Variants in KCNK10 observed in about 807,000 individuals in gnomAD.
The protein encoded by KCNK10 is potassium channel subfamily K member 10.
KCNK10 carries 25 observed loss-of-function variants against 47.7 expected under a neutral mutation model. The observed-to-expected ratio is 0.52, with a 90% CI of 0.38 to 0.73. The LOEUF (loss-of-function observed/expected upper bound fraction) is 0.73, where lower values mean the gene tolerates loss of function less well. Ranked by LOEUF, KCNK10 falls within the 30% of genes least tolerant of loss-of-function variation. The pLI is 0.00. For synonymous variants in KCNK10, 303 were observed against 285.6 expected, an observed-to-expected ratio of 1.06 and a Z score of -0.61; for missense variants, 563 against 714.5, an observed-to-expected ratio of 0.79 and a Z score of 2.42.
At chr14:88,239,814 G>A (rs1266897589) in intron 3 of KCNK10, among the ~76,000 whole-genome samples, 1 of 151,542 alleles carries the variant, frequency 6.6e-6, no homozygotes, top group African/African-American at 2.4e-5. Flanking sequence ...AGCCGAGATT[G>A]CACCACTGCA....
At position 88,322,917 on chromosome 14, in the gene KCNK10, T is replaced by A. The variant is rs895311520; in HGVS notation, c.-119A>T. 1 of 1,558,724 alleles carries A rather than the reference T, an allele frequency of 6.4e-7. No homozygotes were observed. The highest frequency in any genetic ancestry group is 2.3e-5 in the East Asian group (1 of 43,436). On this transcript the variant is annotated 5_prime_UTR_variant, in exon 1 of 7. Transcript: ENST00000319231. This position sits in a 1 kb window ranked among gnomAD's most constrained non-coding sequence, Gnocchi z 4.8. ...ACAATTTCCGAGGATGGGGGAGCCT[T>A]GGACTGGCTCGTGGAGGAACCCCAG...
chr14:88,201,955 G>A (rs1885116124), intron 4 of KCNK10, among the ~76,000 whole-genome samples: 1 of 152,206 alleles, frequency 6.6e-6, no homozygotes, highest in Admixed American at 6.5e-5. Context: ...CTTTGGTAGG[G>A]TTGCATCTCT....
chr14:88,201,835 G>A (rs1222144542), intron 4 of KCNK10, among the ~76,000 whole-genome samples: 2 of 151,982 alleles, frequency 1.3e-5, no homozygotes, highest in African/African-American at 4.8e-5. Context: ...TACCTTTCAT[G>A]AAGAGACTGG....
intron 4 of KCNK10, among the ~76,000 whole-genome samples, chr14:88,216,921 C>T (rs1012045508): frequency 6.6e-6 from 1 of 152,148 alleles, no homozygotes; most frequent in Non-Finnish European, 1.5e-5. Context: ...GTTTGGGAGG[C>T]CAAGGTGGGC....
chr14:88,248,388 TA>T (rs1389703370), intron 2 of KCNK10, among the ~76,000 whole-genome samples: 1 of 152,216 alleles, frequency 6.6e-6, no homozygotes, highest in Non-Finnish European at 1.5e-5. Flanking sequence ...CTATTTACCT[TA>T]GGGCTCTTTG....
At chr14:88,278,189 C>T (rs1251275249) in intron 1 of KCNK10, among the ~76,000 whole-genome samples, 1 of 152,146 alleles carries the variant, frequency 6.6e-6, no homozygotes, top group Non-Finnish European at 1.5e-5. Flanking sequence ...CCCAAAATCT[C>T]AGAGAGCAAA....
rs772008084 is a variant in KCNK10, at chr14:88,186,136, T to C, written c.1031A>G (p.His344Arg). The C allele has an allele frequency of 6.3e-7, 1 of 1,591,428 alleles. No homozygotes were observed. Among genetic ancestry groups the C allele is most frequent in the Non-Finnish European group, 8.6e-7 (1 of 1,168,578 alleles). ...TKEEVGEIKA[H>R]AAEWKANVTA... ...GACATTGGCCTTCCACTCTGCCGCA[T>C]GGGCCTTGATTTCACCCACCTGGCC... The change falls in exon 7 of 7, where the codon CAT becomes CGT. Residue 344 changes from histidine (H) to arginine (R), a missense_variant. Coordinates refer to ENST00000319231, the MANE Select transcript of KCNK10 (RefSeq NM_138317.3). The surrounding 1 kb of genome is among the most constrained non-coding windows in gnomAD (Gnocchi z 5.5).
In KCNK10 at chr14:88,310,723, G is replaced by A. The variant is rs1021101631; in HGVS notation, c.52+12024C>T. Among the ~76,000 whole-genome samples, 5 of 152,148 alleles carry A rather than the reference G, an allele frequency of 3.3e-5. No homozygotes were observed. The South Asian group carries it at 8.3e-4, about 25-fold the overall frequency. On this transcript the variant is annotated intron_variant, in intron 1 of 6. Coordinates refer to ENST00000319231, the MANE Select transcript of KCNK10 (RefSeq NM_138317.3). The stretch of plus-strand genomic sequence containing the variant: ...GAGGCCTTCCAAGCTGAGGCCACAA[G>A]AACACAACTAGCAGGGGGTCCCATT...
At chr14:88,215,406 A>G (rs1037837549) in intron 4 of KCNK10, among the ~76,000 whole-genome samples, 3 of 152,146 alleles carry the variant, frequency 2.0e-5, no homozygotes, top group Admixed American at 2.0e-4. Context: ...TCTCATGAGA[A>G]CTCACTATCA....
rs1186249381 is a variant in KCNK10, at chr14:88,184,263, A to T, written c.*1272T>A. 6.6e-6 allele frequency: 1 copy of T among 152,306 alleles called. No homozygotes were observed. Among genetic ancestry groups the T allele is most frequent in the African/African-American group, 2.4e-5 (1 of 41,438 alleles). The allele number at this position is 152,306 out of a possible 1,614,324, so 9.4% of individuals were successfully genotyped here. ...GTGTTCCAGTTTTAGTGAGTAACCG[A>T]TGTGAGATGTAGAAACAAGCAAGGA... is the stretch of plus-strand genomic sequence containing the variant. On this transcript the variant is annotated 3_prime_UTR_variant, in exon 7 of 7. Transcript: ENST00000319231.
At chr14:88,289,463 G>A (rs1887832776) in intron 1 of KCNK10, among the ~76,000 whole-genome samples, 1 of 152,198 alleles carries the variant, frequency 6.6e-6, no homozygotes, top group South Asian at 2.1e-4. Flanking sequence ...TTGCCCAAGT[G>A]CCAGGGCCAT....
chr14:88,234,270 C>T (rs1478718509), intron 3 of KCNK10, among the ~76,000 whole-genome samples: 1 of 152,200 alleles, frequency 6.6e-6, no homozygotes. Context: ...GTGTCATGGG[C>T]ATCTTGAATA....
intron 1 of KCNK10, among the ~76,000 whole-genome samples, chr14:88,263,865 A>C (rs1319746895): frequency 1.3e-5 from 2 of 152,208 alleles, no homozygotes; most frequent in African/African-American, 2.4e-5. Context: ...CTCCTCCCTT[A>C]GCTTCCTTGT....
At chr14:88,288,777 T>G (rs974898331) in intron 1 of KCNK10, among the ~76,000 whole-genome samples, 3 of 152,180 alleles carry the variant, frequency 2.0e-5, no homozygotes, top group Non-Finnish European at 4.4e-5. Flanking sequence ...TCTCAGGGAC[T>G]GCACGTGTGT....
intron 2 of KCNK10, among the ~76,000 whole-genome samples, chr14:88,243,650 C>T (rs191114849): frequency 2.0e-5 from 3 of 152,054 alleles, no homozygotes; most frequent in Admixed American, 1.3e-4. Flanking sequence ...AGATGAGTCG[C>T]TCTGTGTTAA....
intron 3 of KCNK10, among the ~76,000 whole-genome samples, chr14:88,233,375 G>A (rs1886208026): frequency 6.6e-6 from 1 of 152,210 alleles, no homozygotes; most frequent in Non-Finnish European, 1.5e-5. Flanking sequence ...TAGTAAGAAA[G>A]AGAGGTCATT....
At chr14:88,194,360 A>C (rs1884841353) in intron 4 of KCNK10, among the ~76,000 whole-genome samples, 1 of 152,242 alleles carries the variant, frequency 6.6e-6, no homozygotes, top group African/African-American at 2.4e-5. Flanking sequence ...GTTTGCAGAA[A>C]TGTATGAAAA....
chr14:88,302,004 C>A (rs1039475650), intron 1 of KCNK10, among the ~76,000 whole-genome samples: 35 of 152,076 alleles, frequency 2.3e-4, no homozygotes, highest in Non-Finnish European at 5.1e-4. Context: ...CAGGAAGATG[C>A]GTGGAATGAG....
At chr14:88,324,952 C>T (rs1464892872), upstream of KCNK10, among the ~76,000 whole-genome samples, 1 of 152,164 alleles carries the variant, frequency 6.6e-6, no homozygotes, top group Non-Finnish European at 1.5e-5. Context: ...CTCTGCAAAC[C>T]CCGTTCAGGC....
Sources: gnomAD v4.1 joint callset for allele counts (sites outside exome capture counted in the v4.1 genomes callset) on GRCh38, gnomAD v4.1.1 for gene constraint, Gnocchi (gnomAD v3.1) non-coding constraint, MANE v1.5 for transcripts, NCBI Gene and HGNC (gene_info 2026-07-23, HGNC 2026-07-21) for gene names.